The following SPG11 variants were observed in gnomAD, a reference collection of about 807,000 sequenced individuals.
The protein encoded by SPG11 is spatacsin.
A neutral mutation model predicts 274.0 loss-of-function variants in SPG11; 222 were observed. The ratio of observed to expected loss-of-function variants is 0.81; its 90% CI spans 0.73 to 0.91. SPG11 has a LOEUF of 0.91. Ranked by LOEUF, SPG11 falls within the 40% of genes least tolerant of loss-of-function variation. The pLI is 0.00. For missense variants in SPG11, 3,114 were observed against 2,872.7 expected, an observed-to-expected ratio of 1.08 and a Z score of -1.92; for synonymous variants, 1,144 against 1,039.7, an observed-to-expected ratio of 1.10 and a Z score of -1.93.
chr15:44,592,687 G>A (rs938354585), intron 26 of SPG11, among the ~76,000 whole-genome samples: 5 of 151,984 alleles, frequency 3.3e-5, no homozygotes, highest in Non-Finnish European at 5.9e-5. Flanking sequence ...AGGCATGGTG[G>A]TGCATGCCTG....
intron 8 of SPG11, among the ~76,000 whole-genome samples, chr15:44,632,183 T>C (rs2141052459): frequency 6.6e-6 from 1 of 152,214 alleles, no homozygotes; most frequent in East Asian, 1.9e-4. Flanking sequence ...GAAACTGGAC[T>C]GTTTGGGATT....
chr15:44,622,361 T>C lies in SPG11; in HGVS notation c.2317-14A>G, dbSNP rs757110981. 1 of 1,526,638 alleles carries C rather than the reference T, an allele frequency of 6.6e-7. No homozygotes were observed. The highest frequency in any genetic ancestry group is 9.0e-7 in the Non-Finnish European group (1 of 1,114,318). The allele number at this position is 1,526,638 out of a possible 1,614,324, so 94.6% of individuals were successfully genotyped here. On this transcript the variant is annotated splice_polypyrimidine_tract_variant and intron_variant, in intron 12 of 39. Transcript: ENST00000261866. Reference sequence around the variant, plus strand: ...TAAAATTTCAACCTTGAATAAAAAGTAATTAAAGCAGTGACTTTACAAAAA... The same window carrying C: ...TAAAATTTCAACCTTGAATAAAAAGCAATTAAAGCAGTGACTTTACAAAAA...
chr15:44,601,998 T>C lies in SPG11; in HGVS notation c.3521-1366A>G, dbSNP rs560591786. On this transcript the variant is annotated intron_variant, in intron 20 of 39. Transcript: ENST00000261866. ...ATTAAAAAATAGAAATGGGATAGTT[T>C]TGTTCATTATCTTTTTCAGACAGTT... Among the ~76,000 whole-genome samples the C allele has an allele frequency of 5.3e-5, 8 of 152,362 alleles. No individual in the cohort carries two copies. The East Asian group carries it at 1.5e-3, about 29-fold the overall frequency.
chr15:44,629,708 T>C (rs2084003390), intron 8 of SPG11, among the ~76,000 whole-genome samples: 1 of 152,220 alleles, frequency 6.6e-6, no homozygotes, highest in African/African-American at 2.4e-5. Flanking sequence ...GTGTATTATA[T>C]TCTCTTTCCA....
intron 30 of SPG11, among the ~76,000 whole-genome samples, chr15:44,581,704 C>T (rs2082662108): frequency 6.6e-6 from 1 of 151,488 alleles, no homozygotes; most frequent in Non-Finnish European, 1.5e-5. Context: ...GAGCAAAAAC[C>T]TCATTGTTTA....
At chr15:44,590,214 T>G (rs2082870482) in intron 27 of SPG11, among the ~76,000 whole-genome samples, 1 of 152,222 alleles carries the variant, frequency 6.6e-6, no homozygotes, top group Admixed American at 6.5e-5. Context: ...ACTTCGCTAG[T>G]TCTACCACTT....
intron 21 of SPG11, among the ~76,000 whole-genome samples, chr15:44,599,679 A>C (rs536654232): frequency 1.3e-5 from 2 of 152,166 alleles, no homozygotes; most frequent in Non-Finnish European, 2.9e-5. Flanking sequence ...TTTCTGAACT[A>C]CTTGAATACT....
chr15:44,585,699 G>T lies in SPG11; in HGVS notation c.5058C>A (p.Phe1686Leu). Residue 1686 changes from phenylalanine (F) to leucine (L), a missense_variant, in exon 29 of 40, where the codon TTC (phenylalanine) becomes TTA (leucine). Transcript: ENST00000261866. ...ILERLQTDGQ[F>L]ALARRVAELA... is the part of the protein sequence containing the mutation. ...ATTCTGCTACCCTCCTGGCCAAAGCGAATTGTCCATCTGTCTGCAGTCTTT... is the reference window on the plus strand; with the variant it reads ...ATTCTGCTACCCTCCTGGCCAAAGCTAATTGTCCATCTGTCTGCAGTCTTT... The T allele has an allele frequency of 6.2e-7, 1 of 1,611,788 alleles. No individual in the cohort carries two copies. The highest frequency in any genetic ancestry group is 8.5e-7 in the Non-Finnish European group (1 of 1,178,982).
At chr15:44,599,803 G>T (rs2083137801) in intron 21 of SPG11, among the ~76,000 whole-genome samples, 2 of 152,094 alleles carry the variant, frequency 1.3e-5, no homozygotes, top group Admixed American at 1.3e-4. Flanking sequence ...TTATAAAAAT[G>T]AATAATTGAA....
At chr15:44,611,025 T>A (rs1461074474) in intron 17 of SPG11, 40 bp from the exon 18 acceptor site, 1 of 1,507,134 alleles carries the variant, frequency 6.6e-7, no homozygotes, top group Non-Finnish European at 8.9e-7. Flanking sequence ...TTAAGAGGGA[T>A]AAATACTAAA....
chr15:44,605,964 T>C, intron 20 of SPG11, 61 bp downstream of exon 20: 2 of 1,344,080 alleles, frequency 1.5e-6, no homozygotes, highest in African/African-American at 1.4e-5. Context: ...GCATTACATG[T>C]ATTAACTTCT....
chr15:44,571,938 T>G (rs1291559837), intron 33 of SPG11, among the ~76,000 whole-genome samples: 1 of 152,184 alleles, frequency 6.6e-6, no homozygotes, highest in East Asian at 1.9e-4. Context: ...ACTACAGGTG[T>G]GCACCACCAT....
At position 44,663,631 on chromosome 15, in the gene SPG11, C is replaced by T; in HGVS notation, c.17G>A (p.Gly6Glu). The T allele has an allele frequency of 3.1e-6, 5 of 1,595,478 alleles. No individual in the cohort carries two copies. Among genetic ancestry groups the T allele is most frequent in the Non-Finnish European group, 4.2e-6 (5 of 1,176,470 alleles). Residue 6 changes from glycine to glutamate, a missense_variant, in exon 1 of 40, where the codon GGG (glycine) becomes GAG (glutamate). Gly to Glu is a moderately conservative substitution (Grantham distance 98). Transcript: ENST00000261866. Reference sequence around the variant, plus strand: ...GCCGGCGGAAGCAGCACTCGCGACCCCTTCCTCTGCAGCCATCTTGGCCCG... The same window carrying T: ...GCCGGCGGAAGCAGCACTCGCGACCTCTTCCTCTGCAGCCATCTTGGCCCG... MAAEEGVASAASAGGS... is the reference protein window; with the variant it reads MAAEEEVASAASAGGS...
In SPG11 at chr15:44,649,044, T is replaced by G. The variant is rs1047252411; in HGVS notation, c.1457-33A>C. On this transcript the variant is annotated intron_variant, in intron 6 of 39. Coordinates refer to ENST00000261866, the MANE Select transcript of SPG11 (RefSeq NM_025137.4). ...AAAAATAAAAGTTAGCTTTAACAAATTAGATTAGATTTTAGGATTATGATT... is the reference window on the plus strand; with the variant it reads ...AAAAATAAAAGTTAGCTTTAACAAAGTAGATTAGATTTTAGGATTATGATT... 6 of 1,546,258 alleles carry G rather than the reference T, an allele frequency of 3.9e-6. No homozygotes were observed. The Admixed American group carries it at 5.0e-5, about 13-fold the overall frequency.
At chr15:44,630,693 C>T (rs553791600) in intron 8 of SPG11, among the ~76,000 whole-genome samples, 7 of 152,258 alleles carry the variant, frequency 4.6e-5, no homozygotes, top group African/African-American at 1.7e-4. Context: ...GATTCTCCTG[C>T]CTCAGCCTCC....
At position 44,663,660 on chromosome 15, in the gene SPG11, G is replaced by C. The variant is rs749723591; in HGVS notation, c.-13C>G. ...CCTCTGCAGCCATCTTGGCCCGGCGGTTACTTCCGGTCACTTTCGCCGGAA... is the reference window on the plus strand; with the variant it reads ...CCTCTGCAGCCATCTTGGCCCGGCGCTTACTTCCGGTCACTTTCGCCGGAA... On this transcript the variant is annotated 5_prime_UTR_variant, in exon 1 of 40. Transcript: ENST00000261866. 5.9e-5 allele frequency: 93 copies of C among 1,586,282 alleles called. No individual in the cohort carries two copies. Among genetic ancestry groups the C allele is most frequent in the South Asian group, 2.9e-4 (26 of 88,952 alleles).
intron 21 of SPG11, 119 bp from the exon 22 acceptor site, chr15:44,598,955 C>G: frequency 9.9e-7 from 1 of 1,008,366 alleles, no homozygotes. Context: ...GTGGCCTCCT[C>G]TCCCTTACCT....
chr15:44,567,033 A>G (rs1160897671), intron 36 of SPG11, among the ~76,000 whole-genome samples: 2 of 151,370 alleles, frequency 1.3e-5, no homozygotes, highest in Non-Finnish European at 2.9e-5. Context: ...AGCCCATCTC[A>G]TGGGCTCTTG....
In SPG11 at chr15:44,620,351, A is replaced by G; in HGVS notation, c.2673T>C (p.His891=). The part of the protein sequence containing the change: ...EALWRYLTAR[H]DWLNIILWIG... ...TCCATAAGATAATGTTTAACCAATC[A>G]TGGCGAGCTGTGAGGTATCTCCAGA... Residue 891 remains histidine (H), a synonymous_variant, in exon 15 of 40, where the codon CAT becomes CAC. Coordinates refer to ENST00000261866, the MANE Select transcript of SPG11 (RefSeq NM_025137.4). The G allele has an allele frequency of 6.2e-7, 1 of 1,614,148 alleles. No individual in the cohort carries two copies. The highest frequency in any genetic ancestry group is 8.5e-7 in the Non-Finnish European group (1 of 1,180,008).
Sources: gnomAD v4.1 joint callset for allele counts (sites outside exome capture counted in the v4.1 genomes callset) on GRCh38, gnomAD v4.1.1 for gene constraint, MANE v1.5 for transcripts, NCBI Gene and HGNC (gene_info 2026-07-23, HGNC 2026-07-21) for gene names.